SNTB1: variants seen among roughly 807,000 people sequenced by gnomAD.
SNTB1 encodes syntrophin beta 1.
A neutral mutation model predicts 48.9 loss-of-function variants in SNTB1; 36 were observed. That is an observed-to-expected ratio of 0.74 (90% CI 0.56 to 0.97). The LOEUF is 0.97. Ranked by LOEUF, SNTB1 falls within the 50% of genes least tolerant of loss-of-function variation. The probability of loss-of-function intolerance (pLI) is 0.00; values close to 1 mark genes in which losing one functional copy is unlikely to be tolerated. For missense variants in SNTB1, 786 were observed against 703.4 expected, an observed-to-expected ratio of 1.12 and a Z score of -1.33; for synonymous variants, 299 against 294.6, an observed-to-expected ratio of 1.01 and a Z score of -0.15.
chr8:120,782,645 G>A (rs976071734), intron 1 of SNTB1, among the ~76,000 whole-genome samples: 20 of 151,824 alleles, frequency 1.3e-4, no homozygotes, highest in East Asian at 5.8e-4. Context: ...TAGTATAAAC[G>A]TAACAAATGT....
At chr8:120,750,040 AC>A (rs1407424683) in intron 1 of SNTB1, among the ~76,000 whole-genome samples, 6 of 152,174 alleles carry the variant, frequency 3.9e-5, no homozygotes, top group African/African-American at 1.4e-4. Context: ...ATTAAGAAGT[AC>A]TAAGAAAGCT....
intron 4 of SNTB1, among the ~76,000 whole-genome samples, chr8:120,573,252 A>G (rs1436344637): frequency 1.3e-5 from 2 of 152,214 alleles, no homozygotes; most frequent in Middle Eastern, 3.2e-3. Flanking sequence ...CTTTTTGACA[A>G]TAGCCATCCT....
At chr8:120,734,607 C>G (rs116509388) in intron 1 of SNTB1, among the ~76,000 whole-genome samples, 6 of 152,034 alleles carry the variant, frequency 3.9e-5, no homozygotes, top group African/African-American at 1.4e-4. Context: ...AGGATAAGAC[C>G]GATGGAAATA....
At chr8:120,650,030 G>A (rs571846109) in intron 2 of SNTB1, among the ~76,000 whole-genome samples, 175 of 152,172 alleles carry the variant, frequency 1.2e-3, no homozygotes, top group Non-Finnish European at 1.9e-3. Flanking sequence ...TTCGGCTCGC[G>A]CACGGTGCAC....
At chr8:120,706,309 GTGGGACTAGACAT>G (rs1191124829) in intron 1 of SNTB1, among the ~76,000 whole-genome samples, 2 of 152,112 alleles carry the variant, frequency 1.3e-5, no homozygotes, top group Non-Finnish European at 2.9e-5. Flanking sequence ...TGTGCATTGT[GTGGGACTAGACAT>G]TGCAGGATAG....
intron 1 of SNTB1, among the ~76,000 whole-genome samples, chr8:120,759,800 T>C (rs1374589080): frequency 2.6e-5 from 4 of 152,206 alleles, no homozygotes; most frequent in Non-Finnish European, 5.9e-5. Context: ...CCCACAAGCC[T>C]AGAGTCTCCT....
intron 1 of SNTB1, among the ~76,000 whole-genome samples, chr8:120,774,718 A>G (rs1289337862): frequency 6.6e-6 from 1 of 152,120 alleles, no homozygotes; most frequent in Non-Finnish European, 1.5e-5. Flanking sequence ...ACAGTGGCAC[A>G]ACCTCGGCTC....
At chr8:120,763,786 GA>G (rs1236643341) in intron 1 of SNTB1, among the ~76,000 whole-genome samples, 1 of 137,652 alleles carries the variant, frequency 7.3e-6, no homozygotes, top group Non-Finnish European at 1.6e-5. Flanking sequence ...CTCAACCTAT[GA>G]TTTTTTTTTT....
chr8:120,790,137 C>T (rs1351740271), intron 1 of SNTB1, among the ~76,000 whole-genome samples: 2 of 151,880 alleles, frequency 1.3e-5, no homozygotes, highest in Non-Finnish European at 2.9e-5. Context: ...AAACAAAAGC[C>T]TTATGAACAT....
chr8:120,788,396 G>A (rs1392776866), intron 1 of SNTB1, among the ~76,000 whole-genome samples: 1 of 152,060 alleles, frequency 6.6e-6, no homozygotes, highest in Admixed American at 6.6e-5. Context: ...TCATATTAAT[G>A]TTGAATGTAA....
At chr8:120,542,858 A>G (rs1815314677) in intron 5 of SNTB1, among the ~76,000 whole-genome samples, 2 of 152,178 alleles carry the variant, frequency 1.3e-5, no homozygotes, top group South Asian at 4.1e-4. Flanking sequence ...TTTTAATAGT[A>G]TAAAAAATCT....
intron 1 of SNTB1, among the ~76,000 whole-genome samples, chr8:120,810,654 C>A (rs1043049572): frequency 2.0e-5 from 3 of 152,168 alleles, no homozygotes; most frequent in Non-Finnish European, 4.4e-5. Flanking sequence ...ATTCCCCGGC[C>A]CCTGACATAA....
intron 1 of SNTB1, among the ~76,000 whole-genome samples, chr8:120,734,276 T>A (rs757682469): frequency 6.6e-5 from 10 of 151,970 alleles, no homozygotes; most frequent in Admixed American, 2.0e-4. Flanking sequence ...AAAATCTGTC[T>A]CTACTAAAAA....
intron 1 of SNTB1, 114 bp from the exon 2 acceptor site, chr8:120,694,022 T>C: frequency 1.3e-6 from 1 of 790,548 alleles, no homozygotes; most frequent in Admixed American, 2.6e-5. Flanking sequence ...ACTGAACTTC[T>C]TAAATTCTCA....
chr8:120,629,533 C>G (rs1563835670), intron 3 of SNTB1, among the ~76,000 whole-genome samples: 1 of 152,086 alleles, frequency 6.6e-6, no homozygotes, highest in African/African-American at 2.4e-5. Context: ...TTACAAATAC[C>G]AAGCAAATTC....
intron 1 of SNTB1, among the ~76,000 whole-genome samples, chr8:120,716,660 G>C (rs1818563629): frequency 6.6e-6 from 1 of 152,166 alleles, no homozygotes; most frequent in African/African-American, 2.4e-5. Flanking sequence ...CCCTCTCCTT[G>C]AAGGTGTCCC....
At chr8:120,546,623 C>T (rs946821287) in intron 5 of SNTB1, among the ~76,000 whole-genome samples, 6 of 152,074 alleles carry the variant, frequency 3.9e-5, no homozygotes, top group Admixed American at 1.3e-4. Flanking sequence ...GCACATGCCA[C>T]GGCACCTGGC....
At chr8:120,602,056 C>T (rs1563828700) in intron 3 of SNTB1, among the ~76,000 whole-genome samples, 1 of 152,238 alleles carries the variant, frequency 6.6e-6, no homozygotes, top group Non-Finnish European at 1.5e-5. Flanking sequence ...ATTTAGTATG[C>T]TTTCACCAAA....
rs541524959 is a variant in SNTB1 at position 120,673,571 on chromosome 8, G to A, written c.788+20121C>T. Among the ~76,000 whole-genome samples the A allele has an allele frequency of 3.9e-4, 60 of 152,182 alleles. 1 individual carries two copies. The highest frequency in any genetic ancestry group is 1.0e-3 in the African/African-American group (43 of 41,528). ...TTCCCAATATGCTGGGATTACAGGCGTAAGCTGCTGCACCCAGCTGATTTC... is the reference window on the plus strand; with the variant it reads ...TTCCCAATATGCTGGGATTACAGGCATAAGCTGCTGCACCCAGCTGATTTC... On this transcript the variant is annotated intron_variant, in intron 2 of 6. Coordinates refer to ENST00000517992, the MANE Select transcript of SNTB1 (RefSeq NM_021021.4).
Sources: allele counts gnomAD v4.1 joint callset (sites outside exome capture counted in the v4.1 genomes callset), GRCh38; gene constraint gnomAD v4.1.1; transcripts MANE v1.5; gene names NCBI Gene and HGNC (gene_info 2026-07-23, HGNC 2026-07-21).